Variants in GRB2 observed in about 807,000 individuals in gnomAD.
GRB2 encodes the protein growth factor receptor bound protein 2.
GRB2 carries 2 observed loss-of-function variants against 27.4 expected under a neutral mutation model. That is an observed-to-expected ratio of 0.07 (90% CI 0.03 to 0.23). GRB2 has a LOEUF of 0.23. GRB2 is among the 10% of genes least tolerant of loss of function. The pLI, the probability that GRB2 is intolerant of heterozygous loss-of-function variation, is 1.00. For synonymous variants in GRB2, 94 were observed against 99.6 expected, an observed-to-expected ratio of 0.94 and a Z score of 0.33; for missense variants, 102 against 282.4, an observed-to-expected ratio of 0.36 and a Z score of 4.58.
chr17:75,379,545 T>G (rs567497909), intron 2 of GRB2, among the ~76,000 whole-genome samples: 13 of 152,176 alleles, frequency 8.5e-5, no homozygotes, highest in African/African-American at 3.1e-4. Context: ...ACTACAGGCA[T>G]GCACCACCAC....
intron 2 of GRB2, among the ~76,000 whole-genome samples, chr17:75,355,553 A>AAAAG (rs1366164361): frequency 6.6e-6 from 1 of 152,006 alleles, no homozygotes; most frequent in Non-Finnish European, 1.5e-5. Flanking sequence ...TGGAAAAAAA[A>AAAAG]AAAGGTCTTA....
At chr17:75,355,959 T>G (rs2078730202) in intron 2 of GRB2, among the ~76,000 whole-genome samples, 1 of 151,528 alleles carries the variant, frequency 6.6e-6, no homozygotes, top group African/African-American at 2.4e-5. Flanking sequence ...GCCTCTCGAG[T>G]AGCTGGGACT....
At chr17:75,353,957 T>C (rs903719166) in intron 2 of GRB2, among the ~76,000 whole-genome samples, 1 of 151,382 alleles carries the variant, frequency 6.6e-6, no homozygotes, top group Non-Finnish European at 1.5e-5. Context: ...GGAGAATTGC[T>C]TGGACCCGGG....
chr17:75,334,151 T>C (rs949341663), intron 2 of GRB2, among the ~76,000 whole-genome samples: 3 of 151,760 alleles, frequency 2.0e-5, no homozygotes, highest in Non-Finnish European at 2.9e-5. Flanking sequence ...TACCTATACG[T>C]TTTATTTTTT....
At chr17:75,381,260 G>A (rs2078925766) in intron 2 of GRB2, among the ~76,000 whole-genome samples, 1 of 152,098 alleles carries the variant, frequency 6.6e-6, no homozygotes, top group Admixed American at 6.6e-5. Context: ...CAATGCTTAA[G>A]AGAGATCTGA....
At chr17:75,322,947 G>A (rs972106058) in intron 4 of GRB2, among the ~76,000 whole-genome samples, 3 of 151,750 alleles carry the variant, frequency 2.0e-5, no homozygotes, top group African/African-American at 4.8e-5. Context: ...GTGAAACCCC[G>A]TCTCTACTAA....
intron 1 of GRB2, chr17:75,393,971 A>C: frequency 2.5e-6 from 1 of 393,058 alleles, no homozygotes; most frequent in Non-Finnish European, 4.7e-6. Flanking sequence ...CTGCCGGCCA[A>C]TGGCACAGCT....
intron 2 of GRB2, among the ~76,000 whole-genome samples, chr17:75,344,913 C>T (rs1275425312): frequency 1.3e-5 from 2 of 152,056 alleles, no homozygotes; most frequent in African/African-American, 4.8e-5. Flanking sequence ...CAGGCAAACC[C>T]GCTCCTGTGT....
chr17:75,321,594 A>G, intron 5 of GRB2, 65 bp downstream of exon 5: 1 of 1,485,494 alleles, frequency 6.7e-7, no homozygotes, highest in Non-Finnish European at 9.3e-7. Flanking sequence ...CCTTTCCTAC[A>G]GGAATGCACA....
chr17:75,400,961 A>G (rs1011106003), intron 1 of GRB2, among the ~76,000 whole-genome samples: 1 of 150,408 alleles, frequency 6.6e-6, no homozygotes, highest in Non-Finnish European at 1.5e-5. Context: ...ACCAGGATAT[A>G]TCAATTTTTT....
At chr17:75,374,826 G>C (rs891169210) in intron 2 of GRB2, among the ~76,000 whole-genome samples, 1 of 152,122 alleles carries the variant, frequency 6.6e-6, no homozygotes, top group Non-Finnish European at 1.5e-5. Context: ...CTACTATCAT[G>C]ACATTCTCAT....
At chr17:75,372,101 T>C (rs2078860447) in intron 2 of GRB2, 1 of 152,188 alleles carries the variant, frequency 6.6e-6, no homozygotes, top group South Asian at 2.1e-4. Context: ...TGTCTGCACA[T>C]TTAGCTCGAG....
At chr17:75,360,352 C>T (rs1305736965) in intron 2 of GRB2, among the ~76,000 whole-genome samples, 1 of 152,140 alleles carries the variant, frequency 6.6e-6, no homozygotes, top group African/African-American at 2.4e-5. Context: ...TGGAACAATT[C>T]CTGGTAATTT....
At chr17:75,404,364 A>T (rs1202159783) in intron 1 of GRB2, among the ~76,000 whole-genome samples, 1 of 152,098 alleles carries the variant, frequency 6.6e-6, no homozygotes, top group Non-Finnish European at 1.5e-5. Context: ...GGCTGACTGC[A>T]GGGAACGCAG....
intron 2 of GRB2, among the ~76,000 whole-genome samples, chr17:75,336,080 T>C (rs1253541701): frequency 6.6e-6 from 1 of 152,210 alleles, no homozygotes; most frequent in Non-Finnish European, 1.5e-5. Flanking sequence ...GGAGCTACTT[T>C]AAAAGTTATT....
intron 2 of GRB2, among the ~76,000 whole-genome samples, chr17:75,370,582 C>T (rs2145854620): frequency 6.6e-6 from 1 of 152,336 alleles, no homozygotes; most frequent in Middle Eastern, 3.4e-3. Flanking sequence ...GCCAAGTGTT[C>T]TGGCAAAGCT....
intron 2 of GRB2, among the ~76,000 whole-genome samples, chr17:75,376,026 GAAAAAAAAAA>G (rs58559493): frequency 3.1e-5 from 2 of 65,410 alleles, no homozygotes; most frequent in African/African-American, 1.4e-4. Flanking sequence ...CTCCGTCTCA[GAAAAAAAAAA>G]AAAAAAAAAA....
chr17:75,372,109 G>A (rs191013508), intron 2 of GRB2: 4 of 152,204 alleles, frequency 2.6e-5, no homozygotes, highest in East Asian at 1.9e-4. Flanking sequence ...CATTTAGCTC[G>A]AGACCACATT....
chr17:75,328,798 C>T (rs1321338289), intron 3 of GRB2, among the ~76,000 whole-genome samples: 1 of 151,566 alleles, frequency 6.6e-6, no homozygotes, highest in Admixed American at 6.6e-5. Flanking sequence ...ATTAGCCAGG[C>T]GTGGTGGCAG....
Sources: gnomAD v4.1 joint callset for allele counts (sites outside exome capture counted in the v4.1 genomes callset) on GRCh38, gnomAD v4.1.1 for gene constraint, MANE v1.5 for transcripts, NCBI Gene and HGNC (gene_info 2026-07-23, HGNC 2026-07-21) for gene names.